The following ZFYVE16 variants were observed in gnomAD, a reference collection of about 807,000 sequenced individuals.
The protein encoded by ZFYVE16 is zinc finger FYVE domain-containing protein 16.
In ZFYVE16, 89 loss-of-function variants were observed where a neutral mutation model predicts 138.1. That is an observed-to-expected ratio of 0.64 (90% confidence interval 0.54 to 0.77). ZFYVE16 has a LOEUF of 0.77. ZFYVE16 is among the 30% of genes least tolerant of loss of function. The pLI is 0.00. For missense variants in ZFYVE16, 1,793 were observed against 1,786.7 expected, an observed-to-expected ratio of 1.00 and a Z score of -0.06; for synonymous variants, 596 against 618.3, an observed-to-expected ratio of 0.96 and a Z score of 0.53.
At chr5:80,471,971 G>T (rs1289505512) in intron 15 of ZFYVE16, among the ~76,000 whole-genome samples, 1 of 152,096 alleles carries the variant, frequency 6.6e-6, no homozygotes, top group Non-Finnish European at 1.5e-5. Flanking sequence ...TACAATGCTT[G>T]TTAATGAGGT....
intron 1 of ZFYVE16, among the ~76,000 whole-genome samples, chr5:80,415,330 A>T (rs1746044971): frequency 6.6e-6 from 1 of 152,244 alleles, no homozygotes; most frequent in Admixed American, 6.5e-5. Flanking sequence ...TTAGTGAACT[A>T]GTATTGATAC....
At chr5:80,413,318 A>G (rs1406280735) in intron 1 of ZFYVE16, among the ~76,000 whole-genome samples, 1 of 151,908 alleles carries the variant, frequency 6.6e-6, no homozygotes, top group Non-Finnish European at 1.5e-5. Context: ...CTAAAAATAC[A>G]AAATTAGCCA....
At chr5:80,455,859 C>A in intron 12 of ZFYVE16, 85 bp downstream of exon 12, 1 of 1,192,254 alleles carries the variant, frequency 8.4e-7, no homozygotes, top group South Asian at 1.5e-5. Context: ...TTATATTTTC[C>A]TACTTTAATT....
At chr5:80,475,320 C>T (rs750820980) in intron 18 of ZFYVE16, among the ~76,000 whole-genome samples, 30 of 152,116 alleles carry the variant, frequency 2.0e-4, no homozygotes, top group Non-Finnish European at 3.7e-4. Context: ...ATAACAGGAC[C>T]ACCTCGCTGA....
At chr5:80,425,547 A>T (rs923324964) in intron 1 of ZFYVE16, among the ~76,000 whole-genome samples, 6 of 152,200 alleles carry the variant, frequency 3.9e-5, no homozygotes, top group Admixed American at 1.3e-4. Flanking sequence ...TTGTATTTTT[A>T]AAAAGTAAGA....
chr5:80,419,229 G>C (rs1469925808), intron 1 of ZFYVE16, among the ~76,000 whole-genome samples: 1 of 151,594 alleles, frequency 6.6e-6, no homozygotes, highest in Non-Finnish European at 1.5e-5. Flanking sequence ...CAGGCGCATG[G>C]CACCATGTCC....
intron 1 of ZFYVE16, among the ~76,000 whole-genome samples, chr5:80,424,136 G>A (rs188074567): frequency 1.1e-3 from 173 of 151,808 alleles, no homozygotes; most frequent in Non-Finnish European, 2.4e-3. Flanking sequence ...TAGTAGAGAC[G>A]GGGTTTCACC....
At chr5:80,474,576 G>T (rs1395788176) in intron 17 of ZFYVE16, 87 bp from the exon 18 acceptor site, 1 of 1,306,572 alleles carries the variant, frequency 7.7e-7, no homozygotes, top group Non-Finnish European at 1.1e-6. Flanking sequence ...TACTTACATT[G>T]GAATTTAATT....
chr5:80,435,412 G>T (rs574149504), intron 3 of ZFYVE16, among the ~76,000 whole-genome samples: 1 of 151,878 alleles, frequency 6.6e-6, no homozygotes, highest in Non-Finnish European at 1.5e-5. Flanking sequence ...CAGGTTATCC[G>T]CCTGTCTCAG....
chr5:80,466,713 A>G (rs1198466286), intron 15 of ZFYVE16, among the ~76,000 whole-genome samples: 1 of 152,314 alleles, frequency 6.6e-6, no homozygotes, highest in South Asian at 2.1e-4. Flanking sequence ...GTGGAGGATG[A>G]CATTAGTGAA....
chr5:80,437,870 T>G lies in ZFYVE16; in HGVS notation c.1185T>G (p.Gly395=). Residue 395 remains glycine (G), a synonymous_variant, in exon 4 of 19, where the codon GGT becomes GGG. Transcript: ENST00000505560. ...CGSLIESKAR[G]DFLPQHEHKD... Reference sequence around the variant, plus strand: ...CATTAATTGAAAGTAAAGCACGGGGTGATTTTTTACCTCAGCATGAACATA... The same window carrying G: ...CATTAATTGAAAGTAAAGCACGGGGGGATTTTTTACCTCAGCATGAACATA... 6.2e-7 allele frequency: 1 copy of G among 1,613,976 alleles called. No homozygotes were observed.
intron 15 of ZFYVE16, among the ~76,000 whole-genome samples, chr5:80,468,093 A>C (rs937226731): frequency 1.3e-5 from 2 of 152,180 alleles, no homozygotes; most frequent in African/African-American, 4.8e-5. Flanking sequence ...TGCCATGGCC[A>C]GTGTAAGTCC....
intron 6 of ZFYVE16, among the ~76,000 whole-genome samples, chr5:80,444,622 A>C (rs919789269): frequency 2.0e-5 from 3 of 152,052 alleles, no homozygotes; most frequent in African/African-American, 7.2e-5. Context: ...CATTATAAGA[A>C]CAAAAAATGT....
At chr5:80,457,162 A>T in intron 14 of ZFYVE16, 70 bp downstream of exon 14, 1 of 1,560,466 alleles carries the variant, frequency 6.4e-7, no homozygotes, top group Non-Finnish European at 8.7e-7. Context: ...TCAAAGGGGA[A>T]ATATATGTAT....
At chr5:80,433,700 G>GA (rs995565840) in intron 2 of ZFYVE16, among the ~76,000 whole-genome samples, 222 of 145,876 alleles carry the variant, frequency 1.5e-3, no homozygotes, top group African/African-American at 4.5e-3. Flanking sequence ...ACTAAAAAAA[G>GA]AAAAAAAAAA....
At chr5:80,441,534 A>G in intron 5 of ZFYVE16, 1 of 985,416 alleles carries the variant, frequency 1.0e-6, no homozygotes, top group Non-Finnish European at 1.2e-6. Flanking sequence ...AGAAGTGATC[A>G]TTTAAAATAA....
At position 80,436,868 on chromosome 5, in the gene ZFYVE16, G is replaced by A. The variant is rs1219357902; in HGVS notation, c.183G>A (p.Glu61=). The change falls in exon 4 of 19, where the codon GAG becomes GAA. Residue 61 remains glutamate (E), a synonymous_variant. Transcript: ENST00000505560. ...CTTCATTGCTCCCAAAAGACCAAGA[G>A]TGCGTTAATAGTTGTGCCTCATCAG... ...QRTSLLPKDQ[E]CVNSCASSET... The A allele has an allele frequency of 2.5e-6, 4 of 1,614,014 alleles. No individual in the cohort carries two copies. The Admixed American group carries it at 6.7e-5, about 27-fold the overall frequency.
chr5:80,470,323 G>T (rs769212145), intron 15 of ZFYVE16, among the ~76,000 whole-genome samples: 2 of 151,408 alleles, frequency 1.3e-5, no homozygotes, highest in Non-Finnish European at 2.9e-5. Flanking sequence ...GGATGGTCTC[G>T]ATCTCCTGAC....
rs143480002 is a variant in ZFYVE16 at position 80,443,427 on chromosome 5, G to A, written c.2581+143G>A. 8 of 1,031,648 alleles carry A rather than the reference G, an allele frequency of 7.8e-6. No individual in the cohort carries two copies. In the South Asian group the frequency reaches 9.7e-5, roughly 12 times the overall value. The allele number at this position is 1,031,648 out of a possible 1,614,324, so 63.9% of individuals were successfully genotyped here. On this transcript the variant is annotated intron_variant, in intron 6 of 18. Coordinates refer to ENST00000505560, the MANE Select transcript of ZFYVE16 (RefSeq NM_001284236.3). ...TACAGGGAATTGGTTACACATGCAG[G>A]CTGGAAGACTGGAAGAGCAAAAAGG...
Sources: gnomAD v4.1 joint callset for allele counts (sites outside exome capture counted in the v4.1 genomes callset) on GRCh38, gnomAD v4.1.1 for gene constraint, MANE v1.5 for transcripts, NCBI Gene and HGNC (gene_info 2026-07-23, HGNC 2026-07-21) for gene names.